Variants in EDAR observed in about 807,000 individuals in gnomAD.
EDAR encodes the protein ectodysplasin A receptor.
EDAR carries 38 observed loss-of-function variants against 51.3 expected under a neutral mutation model. The observed-to-expected ratio is 0.74, with a 90% CI of 0.57 to 0.97. The LOEUF is 0.97. EDAR is among the 50% of genes least tolerant of loss of function. The pLI, the probability that EDAR is intolerant of heterozygous loss-of-function variation, is 0.00. For missense variants in EDAR, 528 were observed against 595.0 expected, an observed-to-expected ratio of 0.89 and a Z score of 1.17; for synonymous variants, 227 against 242.1, an observed-to-expected ratio of 0.94 and a Z score of 0.58.
At chr2:108,923,807 C>T (rs1203370686) in intron 4 of EDAR, among the ~76,000 whole-genome samples, 1 of 152,242 alleles carries the variant, frequency 6.6e-6, no homozygotes, top group Non-Finnish European at 1.5e-5. Flanking sequence ...CCAGGGGTCA[C>T]ACCAACCAAG....
chr2:108,926,697 C>T (rs569865322), intron 4 of EDAR, among the ~76,000 whole-genome samples: 8 of 152,328 alleles, frequency 5.3e-5, no homozygotes, highest in Admixed American at 2.0e-4. Flanking sequence ...AGGAAAGCCT[C>T]GGGTGCTGCT....
At chr2:108,988,821 T>C (rs1197283985) in intron 1 of EDAR, 139 bp downstream of exon 1, 1 of 152,180 alleles carries the variant, frequency 6.6e-6, no homozygotes, top group Non-Finnish European at 1.5e-5. Context: ...CATACTGCAA[T>C]CGGTAAAGCT....
chr2:108,957,165 A>C (rs1301235683), intron 1 of EDAR, among the ~76,000 whole-genome samples: 1 of 152,190 alleles, frequency 6.6e-6, no homozygotes, highest in Non-Finnish European at 1.5e-5. Context: ...AATCTAAGTG[A>C]GGTAACTGGC....
intron 1 of EDAR, among the ~76,000 whole-genome samples, chr2:108,984,048 T>C (rs1204880853): frequency 6.6e-6 from 1 of 152,254 alleles, no homozygotes; most frequent in Non-Finnish European, 1.5e-5. Flanking sequence ...TGAGTCTTGA[T>C]AATCTACTTT....
intron 4 of EDAR, among the ~76,000 whole-genome samples, chr2:108,928,169 G>T (rs1697295296): frequency 1.3e-5 from 2 of 152,124 alleles, no homozygotes; most frequent in Admixed American, 6.5e-5. Flanking sequence ...TACAACTCTT[G>T]CTCTGGCCAC....
intron 11 of EDAR, among the ~76,000 whole-genome samples, chr2:108,902,840 G>T (rs1440708402): frequency 6.6e-6 from 1 of 152,126 alleles, no homozygotes; most frequent in Non-Finnish European, 1.5e-5. Context: ...CAGAAATAAG[G>T]CAAGGATTTC....
Position 108,895,967 on chromosome 2 carries a change from T to C in EDAR, c.*940A>G, listed in dbSNP as rs1168370705. 1.3e-5 allele frequency: 2 copies of C among 152,226 alleles called. No homozygotes were observed. The highest frequency in any genetic ancestry group is 6.5e-5 in the Admixed American group (1 of 15,286). The allele number at this position is 152,226 out of a possible 1,614,324, so 9.4% of individuals were successfully genotyped here. A position where few individuals can be genotyped will look rare whatever the true frequency, so the allele number is the denominator to read the frequency against. On this transcript the variant is annotated 3_prime_UTR_variant, in exon 12 of 12. Coordinates refer to ENST00000258443, the MANE Select transcript of EDAR (RefSeq NM_022336.4). ...ATTACAGCTGACTACTCATACATGT[T>C]TGAAGTGAAAACACAGCCTGACACA... is the stretch of plus-strand genomic sequence containing the variant.
intron 1 of EDAR, among the ~76,000 whole-genome samples, chr2:108,985,439 C>G (rs1239942119): frequency 7.9e-5 from 12 of 152,258 alleles, no homozygotes; most frequent in Non-Finnish European, 1.5e-5. Flanking sequence ...GGCAGGGCTA[C>G]CGCCACAGGT....
intron 1 of EDAR, among the ~76,000 whole-genome samples, chr2:108,941,831 T>C (rs1697604490): frequency 6.6e-6 from 1 of 152,240 alleles, no homozygotes; most frequent in South Asian, 2.1e-4. Context: ...ACTTCTGCCC[T>C]GGTCCCAGCA....
In EDAR at chr2:108,975,771, G is replaced by A. The variant is rs576943514; in HGVS notation, c.-19+13189C>T. 2.6e-5 allele frequency among the ~76,000 whole-genome samples: 4 copies of A among 152,246 alleles called. No homozygotes were observed. In the South Asian group the frequency reaches 6.2e-4, roughly 24 times the overall value. On this transcript the variant is annotated intron_variant, in intron 1 of 11. Transcript: ENST00000258443. ...CCAGCAAGAGAAGGGTGGCACTGTCGGCCAGGCTCCGTGCGGCATCAGGAT... is the reference window on the plus strand; with the variant it reads ...CCAGCAAGAGAAGGGTGGCACTGTCAGCCAGGCTCCGTGCGGCATCAGGAT...
Position 108,902,384 on chromosome 2 carries a change from A to T in EDAR, c.1024+3924T>A, listed in dbSNP as rs150742828. 1.5e-3 allele frequency among the ~76,000 whole-genome samples: 222 copies of T among 152,152 alleles called. 3 individuals are homozygous for T. In the South Asian group the frequency reaches 0.033, roughly 23 times the overall value. ...TAGCGAGACTCCATCTCAAAAACAA[A>T]ACAAAACAAAACAAAAAAACCTCCC... On this transcript the variant is annotated intron_variant, in intron 11 of 11. Coordinates refer to ENST00000258443, the MANE Select transcript of EDAR (RefSeq NM_022336.4).
At position 108,895,584 on chromosome 2, in the gene EDAR, CTG is replaced by C. The variant is rs1185533619; in HGVS notation, c.*1321_*1322del. On this transcript the variant is annotated 3_prime_UTR_variant, in exon 12 of 12. Coordinates refer to ENST00000258443, the MANE Select transcript of EDAR (RefSeq NM_022336.4). ...TTCCCATTTAAATGGACAAACCACACTGTGTTGACTTCCATAGAGCACCTCAA... is the reference window on the plus strand; with the variant it reads ...TTCCCATTTAAATGGACAAACCACACTGTTGACTTCCATAGAGCACCTCAA... The C allele has an allele frequency of 6.6e-6, 1 of 152,234 alleles. No individual in the cohort carries two copies. Among genetic ancestry groups the C allele is most frequent in the Non-Finnish European group, 1.5e-5 (1 of 68,052 alleles). The allele number at this position is 152,234 out of a possible 1,614,324, so 9.4% of individuals were successfully genotyped here. A position where few individuals can be genotyped will look rare whatever the true frequency, so the allele number is the denominator to read the frequency against.
chr2:108,956,286 T>C (rs1697924391), intron 1 of EDAR, among the ~76,000 whole-genome samples: 2 of 152,228 alleles, frequency 1.3e-5, no homozygotes, highest in Non-Finnish European at 2.9e-5. Flanking sequence ...GATACCCTTT[T>C]TATACATTCT....
intron 1 of EDAR, among the ~76,000 whole-genome samples, chr2:108,958,156 C>T (rs1369569163): frequency 1.3e-5 from 2 of 151,882 alleles, no homozygotes; most frequent in Admixed American, 6.6e-5. Context: ...GAAAGAAAGG[C>T]GGGAGAGAAA....
intron 1 of EDAR, among the ~76,000 whole-genome samples, chr2:108,971,805 G>C (rs974887776): frequency 6.6e-6 from 1 of 152,196 alleles, no homozygotes; most frequent in Non-Finnish European, 1.5e-5. Flanking sequence ...TCCTCTCCCT[G>C]TGTGAACGGG....
chr2:108,911,130 C>T (rs1015722033), intron 6 of EDAR, 58 bp from the exon 7 acceptor site: 41 of 1,608,090 alleles, frequency 2.5e-5, no homozygotes, highest in Non-Finnish European at 3.1e-5. Context: ...CTGGTCTTCC[C>T]TCCAGGACTC....
rs1697353617 is a variant in EDAR, at chr2:108,930,847, C to A, written c.51+117G>T. On this transcript the variant is annotated intron_variant, in intron 2 of 11. Coordinates refer to ENST00000258443, the MANE Select transcript of EDAR (RefSeq NM_022336.4). ...TGGTTTCATTTCACCCTCAGAAGAA[C>A]CCTGTGGAGGAGGGACTATGATCAG... 3.5e-6 allele frequency: 4 copies of A among 1,145,534 alleles called. No individual in the cohort carries two copies. In the East Asian group the frequency reaches 9.4e-5, roughly 27 times the overall value. 71.0% of individuals were successfully genotyped at this position (1,145,534 alleles called of 1,614,324 possible).
At chr2:108,972,623 G>A (rs1698256415) in intron 1 of EDAR, among the ~76,000 whole-genome samples, 1 of 152,274 alleles carries the variant, frequency 6.6e-6, no homozygotes, top group Non-Finnish European at 1.5e-5. Flanking sequence ...GTCTGCACAA[G>A]GGTGACGGGT....
Position 108,899,793 on chromosome 2 carries a change from C to T in EDAR, c.1025-2564G>A, listed in dbSNP as rs1381528135. Among the ~76,000 whole-genome samples, 4 of 152,260 alleles carry T rather than the reference C, an allele frequency of 2.6e-5. No homozygotes were observed. The East Asian group carries it at 7.7e-4, about 29-fold the overall frequency. On this transcript the variant is annotated intron_variant, in intron 11 of 11. Coordinates refer to ENST00000258443, the MANE Select transcript of EDAR (RefSeq NM_022336.4). Reference sequence around the variant, plus strand: ...CTGAGGTCAGGAGTTCAAGACTAGCCTGGCCAACATGGTGAAACCCCGTCT... The same window carrying T: ...CTGAGGTCAGGAGTTCAAGACTAGCTTGGCCAACATGGTGAAACCCCGTCT...
Sources: gnomAD v4.1 joint callset for allele counts (sites outside exome capture counted in the v4.1 genomes callset) on GRCh38, gnomAD v4.1.1 for gene constraint, MANE v1.5 for transcripts, NCBI Gene and HGNC (gene_info 2026-07-23, HGNC 2026-07-21) for gene names.